LHFPL3: variants seen among roughly 807,000 people sequenced by gnomAD.
LHFPL3 encodes the protein LHFPL tetraspan subfamily member 3 protein.
A neutral mutation model predicts 19.3 loss-of-function variants in LHFPL3; 5 were observed. The ratio of observed to expected loss-of-function variants is 0.26; its 90% CI spans 0.14 to 0.54. The LOEUF (loss-of-function observed/expected upper bound fraction) is 0.54, where lower values mean the gene tolerates loss of function less well. Ranked by LOEUF, LHFPL3 falls within the 20% of genes least tolerant of loss-of-function variation. The pLI is 0.94. For missense variants in LHFPL3, 249 were observed against 307.4 expected (o/e 0.81, Z 1.42); for synonymous variants, 133 against 126.2 (o/e 1.05, Z -0.36).
rs1791963598 is a variant in LHFPL3, at chr7:104,877,236, C to G, written c.683-28951C>G. On this transcript the variant is annotated intron_variant, in intron 2 of 2. Transcript: ENST00000424859. ...GCACATGTATACATATGTAACAAAC[C>G]TGCACGTTGTGCACATGTACCCTAG... 2.6e-5 allele frequency among the ~76,000 whole-genome samples: 4 copies of G among 152,158 alleles called. No individual in the cohort carries two copies. In the South Asian group the frequency reaches 8.3e-4, roughly 32 times the overall value.
At chr7:104,396,478 G>A (rs1383508049) in intron 1 of LHFPL3, among the ~76,000 whole-genome samples, 3 of 151,898 alleles carry the variant, frequency 2.0e-5, no homozygotes, top group Admixed American at 6.6e-5. Context: ...GTGAGGATAG[G>A]GTTAAATACT....
At chr7:104,506,791 G>C (rs1464335721) in intron 1 of LHFPL3, among the ~76,000 whole-genome samples, 1 of 152,208 alleles carries the variant, frequency 6.6e-6, no homozygotes, top group Admixed American at 6.5e-5. Context: ...AAATGCAGCA[G>C]ATATTTGGAT....
intron 1 of LHFPL3, among the ~76,000 whole-genome samples, chr7:104,660,593 C>A (rs1230175729): frequency 6.6e-6 from 1 of 152,182 alleles, no homozygotes; most frequent in African/African-American, 2.4e-5. Context: ...GCTATATAAA[C>A]AGCTTGATGT....
At chr7:104,830,052 G>A (rs1032048425) in intron 2 of LHFPL3, among the ~76,000 whole-genome samples, 13 of 152,032 alleles carry the variant, frequency 8.6e-5, no homozygotes, top group African/African-American at 3.1e-4. Flanking sequence ...GTCTCATTGT[G>A]GTTTTGATTT....
intron 1 of LHFPL3, among the ~76,000 whole-genome samples, chr7:104,635,047 A>AT (rs1263915718): frequency 1.3e-5 from 2 of 152,274 alleles, no homozygotes; most frequent in Middle Eastern, 3.4e-3. Flanking sequence ...TGTTATGTAT[A>AT]TTTTTTAAAG....
chr7:104,483,031 C>T (rs1259834878), intron 1 of LHFPL3, among the ~76,000 whole-genome samples: 3 of 152,174 alleles, frequency 2.0e-5, no homozygotes, highest in Non-Finnish European at 4.4e-5. Flanking sequence ...CATGGATATT[C>T]CCAGCCTTGG....
intron 1 of LHFPL3, among the ~76,000 whole-genome samples, chr7:104,384,175 G>A (rs1315176592): frequency 6.6e-6 from 1 of 152,164 alleles, no homozygotes; most frequent in African/African-American, 2.4e-5. Context: ...GGGAGAAGTG[G>A]AAGAGCTAGG....
intron 1 of LHFPL3, among the ~76,000 whole-genome samples, chr7:104,660,822 A>G (rs1437672428): frequency 1.3e-5 from 2 of 152,210 alleles, no homozygotes; most frequent in Non-Finnish European, 2.9e-5. Context: ...ACAGAAGTCA[A>G]GTGGTTTTCT....
chr7:104,743,490 T>C (rs1305981426), intron 2 of LHFPL3, among the ~76,000 whole-genome samples: 2 of 152,236 alleles, frequency 1.3e-5, no homozygotes, highest in Admixed American at 1.3e-4. Flanking sequence ...CTTTAAAATA[T>C]TTAAAAATAT....
intron 1 of LHFPL3, among the ~76,000 whole-genome samples, chr7:104,603,277 C>G (rs763756590): frequency 6.6e-6 from 1 of 151,728 alleles, no homozygotes; most frequent in Non-Finnish European, 1.5e-5. Flanking sequence ...CTCACTGCAG[C>G]CTTGACTTCC....
chr7:104,382,023 C>T (rs1790838825), intron 1 of LHFPL3, among the ~76,000 whole-genome samples: 2 of 152,150 alleles, frequency 1.3e-5, no homozygotes, highest in Non-Finnish European at 2.9e-5. Flanking sequence ...TCTGTGTGCC[C>T]TTAACACTCC....
intron 1 of LHFPL3, among the ~76,000 whole-genome samples, chr7:104,643,374 T>C (rs1050075094): frequency 2.0e-5 from 3 of 152,210 alleles, no homozygotes; most frequent in Admixed American, 6.5e-5. Flanking sequence ...CAAACACTTT[T>C]TCTTTTGATT....
intron 1 of LHFPL3, among the ~76,000 whole-genome samples, chr7:104,714,276 A>G (rs1241430631): frequency 1.3e-5 from 2 of 152,152 alleles, no homozygotes; most frequent in African/African-American, 4.8e-5. Flanking sequence ...CTCTAGAGAC[A>G]CTTTCTTGAT....
At position 104,866,299 on chromosome 7, in the gene LHFPL3, A is replaced by C. The variant is rs187764493; in HGVS notation, c.683-39888A>C. On this transcript the variant is annotated intron_variant, in intron 2 of 2. Transcript: ENST00000424859. The stretch of plus-strand genomic sequence containing the variant: ...GACTGACAAATTGGATAAAGAGTCA[A>C]GACCCATCAGTGTGCTGTATTCAAG... Among the ~76,000 whole-genome samples the C allele has an allele frequency of 1.6e-4, 24 of 152,362 alleles. No individual in the cohort carries two copies. The East Asian group carries it at 4.2e-3, about 27-fold the overall frequency.
At chr7:104,529,855 G>T (rs546139372) in intron 1 of LHFPL3, among the ~76,000 whole-genome samples, 1 of 152,166 alleles carries the variant, frequency 6.6e-6, no homozygotes, top group Non-Finnish European at 1.5e-5. Context: ...GGCCAGGCTG[G>T]ATGAACCAAC....
At chr7:104,357,334 A>T (rs1171348138) in intron 1 of LHFPL3, among the ~76,000 whole-genome samples, 59 of 152,326 alleles carry the variant, frequency 3.9e-4, no homozygotes, top group Non-Finnish European at 4.4e-5. Flanking sequence ...CTACCAGGTT[A>T]ACAAATATAA....
intron 1 of LHFPL3, among the ~76,000 whole-genome samples, chr7:104,702,229 C>T (rs1793117387): frequency 6.6e-6 from 1 of 152,160 alleles, no homozygotes; most frequent in African/African-American, 2.4e-5. Flanking sequence ...CTTTTTATGG[C>T]ATCCTGTTCT....
intron 2 of LHFPL3, among the ~76,000 whole-genome samples, chr7:104,773,982 G>A (rs1218103007): frequency 6.6e-6 from 1 of 152,202 alleles, no homozygotes; most frequent in African/African-American, 2.4e-5. Context: ...CGAACACAAA[G>A]GGTAGGACAA....
At chr7:104,482,525 C>T (rs763269072) in intron 1 of LHFPL3, among the ~76,000 whole-genome samples, 1 of 152,184 alleles carries the variant, frequency 6.6e-6, no homozygotes, top group South Asian at 2.1e-4. Flanking sequence ...TGAATCTGTC[C>T]TTTTAGACTC....
Sources: gnomAD v4.1 joint callset for allele counts (sites outside exome capture counted in the v4.1 genomes callset) on GRCh38, gnomAD v4.1.1 for gene constraint, MANE v1.5 for transcripts, NCBI Gene and HGNC (gene_info 2026-07-23, HGNC 2026-07-21) for gene names.